The following FAT4 variants were observed in gnomAD, a reference collection of about 807,000 sequenced individuals.
The protein encoded by FAT4 is protocadherin Fat 4.
FAT4 carries 84 observed loss-of-function variants against 303.9 expected under a neutral mutation model. That is an observed-to-expected ratio of 0.28 (90% CI 0.23 to 0.33). The LOEUF (loss-of-function observed/expected upper bound fraction) is 0.33, where lower values mean the gene tolerates loss of function less well. Ranked by LOEUF, FAT4 falls within the 10% of genes least tolerant of loss-of-function variation. The pLI is 1.00. For synonymous variants in FAT4, 2,307 were observed against 2,298.8 expected (o/e 1.00, Z -0.10); for missense variants, 6,005 against 6,146.8 (o/e 0.98, Z 0.77).
At chr4:125,343,702 A>G (rs1226978617) in intron 2 of FAT4, among the ~76,000 whole-genome samples, 2 of 152,170 alleles carry the variant, frequency 1.3e-5, no homozygotes, top group Non-Finnish European at 2.9e-5. Flanking sequence ...TCCACACTAC[A>G]GAATAAAAGA....
chr4:125,399,524 T>A (rs1199940668), intron 3 of FAT4, among the ~76,000 whole-genome samples: 1 of 151,938 alleles, frequency 6.6e-6, no homozygotes, highest in Non-Finnish European at 1.5e-5. Flanking sequence ...CAGTATCTCC[T>A]TACCTCTTTC....
chr4:125,433,728 A>G (rs1725355405), intron 7 of FAT4, among the ~76,000 whole-genome samples: 1 of 152,198 alleles, frequency 6.6e-6, no homozygotes, highest in Admixed American at 6.5e-5. Flanking sequence ...TATAACTTGA[A>G]GCTATTTTTT....
At chr4:125,344,336 G>A (rs887615441) in intron 2 of FAT4, among the ~76,000 whole-genome samples, 2 of 152,068 alleles carry the variant, frequency 1.3e-5, no homozygotes, top group African/African-American at 4.8e-5. Context: ...TAATTAAACA[G>A]CATGAACATA....
At chr4:125,422,412 G>C (rs1446630163) in intron 7 of FAT4, among the ~76,000 whole-genome samples, 1 of 152,264 alleles carries the variant, frequency 6.6e-6, no homozygotes, top group Non-Finnish European at 1.5e-5. Context: ...GAGGGACCTG[G>C]TGGAAAGTTA....
Position 125,317,509 on chromosome 4 carries a change from G to C in FAT4, c.1098G>C (p.Ser366=). The part of the protein sequence containing the change: ...RYFPATSRYA[S]VDENAQVGTV... Reference sequence around the variant, plus strand: ...TCCCGGCCACCTCGCGCTACGCCTCGGTAGATGAGAATGCTCAAGTGGGCA... The same window carrying C: ...TCCCGGCCACCTCGCGCTACGCCTCCGTAGATGAGAATGCTCAAGTGGGCA... Residue 366 remains serine (S), a synonymous_variant, in exon 2 of 18, where the codon TCG becomes TCC. Transcript: ENST00000394329. This position sits in a 1 kb window ranked among gnomAD's most constrained non-coding sequence, Gnocchi z 7.0. 1 of 1,613,818 alleles carries C rather than the reference G, an allele frequency of 6.2e-7. No individual in the cohort carries two copies. The highest frequency in any genetic ancestry group is 8.5e-7 in the Non-Finnish European group (1 of 1,180,018).
intron 10 of FAT4, 98 bp downstream of exon 10, chr4:125,452,908 T>C (rs1333148774): frequency 7.2e-7 from 1 of 1,382,790 alleles, no homozygotes; most frequent in Non-Finnish European, 9.8e-7. Flanking sequence ...TTCATATAAA[T>C]GAGCATAATA....
At chr4:125,441,773 C>A (rs1334444416) in intron 8 of FAT4, among the ~76,000 whole-genome samples, 2 of 152,176 alleles carry the variant, frequency 1.3e-5, no homozygotes, top group African/African-American at 4.8e-5. Context: ...ATGGCCCCAG[C>A]TAATTCTGCA....
chr4:125,376,887 A>G (rs1204203167), intron 2 of FAT4, among the ~76,000 whole-genome samples: 1 of 152,164 alleles, frequency 6.6e-6, no homozygotes, highest in East Asian at 1.9e-4. Context: ...CTCTATCTCA[A>G]AAATAAATAA....
At chr4:125,369,746 C>T (rs1733032877) in intron 2 of FAT4, among the ~76,000 whole-genome samples, 1 of 152,136 alleles carries the variant, frequency 6.6e-6, no homozygotes, top group South Asian at 2.1e-4. Context: ...CAAACTGAAA[C>T]TCTCTACCCA....
chr4:125,430,663 A>AC (rs1291817541), intron 7 of FAT4, among the ~76,000 whole-genome samples: 10 of 151,294 alleles, frequency 6.6e-5, no homozygotes, highest in Non-Finnish European at 1.2e-4. Context: ...TGAGGTGGGA[A>AC]AAAAAAATAA....
intron 12 of FAT4, among the ~76,000 whole-genome samples, chr4:125,474,095 T>G (rs1419592093): frequency 6.6e-6 from 1 of 152,180 alleles, no homozygotes; most frequent in East Asian, 1.9e-4. Flanking sequence ...CTCTGAAGAT[T>G]AAATTGCATA....
intron 2 of FAT4, among the ~76,000 whole-genome samples, chr4:125,374,807 A>G (rs938167879): frequency 1.4e-4 from 22 of 152,324 alleles, no homozygotes; most frequent in Middle Eastern, 3.4e-3. Flanking sequence ...AGATGAAATA[A>G]TTGTAAAATC....
At chr4:125,343,598 C>A (rs962195629) in intron 2 of FAT4, among the ~76,000 whole-genome samples, 1 of 151,964 alleles carries the variant, frequency 6.6e-6, no homozygotes, top group African/African-American at 2.4e-5. Flanking sequence ...ACTCTGAGTT[C>A]GAGTATTGAC....
intron 16 of FAT4, among the ~76,000 whole-genome samples, chr4:125,484,050 C>T (rs1159150433): frequency 3.1e-5 from 3 of 95,596 alleles, no homozygotes; most frequent in African/African-American, 8.0e-5. Context: ...TCTCTCTCTA[C>T]AGACACACAT....
chr4:125,361,094 A>T (rs892565282), intron 2 of FAT4, among the ~76,000 whole-genome samples: 1 of 151,664 alleles, frequency 6.6e-6, no homozygotes, highest in African/African-American at 2.4e-5. Context: ...TAGCTACTGT[A>T]TGGCTAAATA....
At chr4:125,465,125 G>A (rs1020430696) in intron 11 of FAT4, among the ~76,000 whole-genome samples, 7 of 152,126 alleles carry the variant, frequency 4.6e-5, no homozygotes, top group Non-Finnish European at 1.5e-5. Context: ...GAAATTGGCT[G>A]ATTTGCCCAA....
intron 2 of FAT4, among the ~76,000 whole-genome samples, chr4:125,396,171 T>G (rs1016194513): frequency 8.5e-5 from 13 of 152,080 alleles, no homozygotes; most frequent in Non-Finnish European, 1.5e-5. Context: ...TGGCACTAGG[T>G]CGTTCCTTAC....
intron 7 of FAT4, among the ~76,000 whole-genome samples, chr4:125,425,021 A>G (rs2126036101): frequency 6.6e-6 from 1 of 152,312 alleles, no homozygotes; most frequent in Middle Eastern, 3.4e-3. Context: ...ATTATAACTA[A>G]TTGAGATGTC....
rs142230687 is a variant in FAT4, at chr4:125,485,699, C to T, written c.12823-1646C>T. On this transcript the variant is annotated intron_variant, in intron 16 of 17. Transcript: ENST00000394329. ...CCCTCTAAAATAATGATTAAAAAAA[C>T]GGTGTAGTAAATGCATAAACCACTA... Among the ~76,000 whole-genome samples, 585 of 152,168 alleles carry T rather than the reference C, an allele frequency of 3.8e-3. 4 individuals are homozygous for T. The highest frequency in any genetic ancestry group is 0.013 in the African/African-American group (529 of 41,502).
Sources: allele counts gnomAD v4.1 joint callset (sites outside exome capture counted in the v4.1 genomes callset), GRCh38; gene constraint gnomAD v4.1.1; non-coding constraint Gnocchi (gnomAD v3.1); transcripts MANE v1.5; gene names NCBI Gene and HGNC (gene_info 2026-07-23, HGNC 2026-07-21).